PCNX2: variants seen among roughly 807,000 people sequenced by gnomAD.
The protein encoded by PCNX2 is pecanex-like protein 2.
PCNX2 carries 168 observed loss-of-function variants against 223.8 expected under a neutral mutation model. That is an observed-to-expected ratio of 0.75 (90% CI 0.66 to 0.85). The LOEUF is 0.85. Ranked by LOEUF, PCNX2 falls within the 40% of genes least tolerant of loss-of-function variation. The probability of loss-of-function intolerance (pLI) is 0.00; values close to 1 mark genes in which losing one functional copy is unlikely to be tolerated. For synonymous variants in PCNX2, 1,006 were observed against 1,052.6 expected, an observed-to-expected ratio of 0.96 and a Z score of 0.86; for missense variants, 2,507 against 2,675.5, an observed-to-expected ratio of 0.94 and a Z score of 1.39.
chr1:232,999,446 CTTTTTCTTTTTTT>C, intron 30 of PCNX2, 67 bp from the exon 31 acceptor site: 1 of 1,189,772 alleles, frequency 8.4e-7, no homozygotes, highest in Non-Finnish European at 1.1e-6. Flanking sequence ...TTGGTTTTTT[CTTTTTCTTTTTTT>C]TTTTTTTTTT....
At chr1:233,067,498 G>C (rs1047961339) in intron 23 of PCNX2, among the ~76,000 whole-genome samples, 1 of 149,262 alleles carries the variant, frequency 6.7e-6, no homozygotes, top group African/African-American at 2.5e-5. Flanking sequence ...TTTTGAGACA[G>C]AGTCTTGCTC....
chr1:233,170,944 C>A (rs1029283646), intron 17 of PCNX2, among the ~76,000 whole-genome samples: 2 of 152,176 alleles, frequency 1.3e-5, no homozygotes, highest in African/African-American at 4.8e-5. Flanking sequence ...ATCCGAAAAT[C>A]CGAAATGCAA....
intron 21 of PCNX2, among the ~76,000 whole-genome samples, chr1:233,111,757 G>C (rs988631635): frequency 6.6e-6 from 1 of 152,192 alleles, no homozygotes; most frequent in Non-Finnish European, 1.5e-5. Context: ...AGAATGCACT[G>C]TCATTGGCAG....
rs935767053 is a variant in PCNX2, at chr1:232,988,432, T to TAA, written c.5792-1894_5792-1893dup. On this transcript the variant is annotated intron_variant, in intron 32 of 33. Transcript: ENST00000258229. Reference sequence around the variant, plus strand: ...TTTTCTCATTGCTCTTTTTTTTTTTTAATTAATTTTGCAAATGGAACAGCA... The same window carrying TAA: ...TTTTCTCATTGCTCTTTTTTTTTTTTAAAATTAATTTTGCAAATGGAACAGCA... Among the ~76,000 whole-genome samples the TAA allele has an allele frequency of 5.7e-3, 869 of 151,746 alleles. 6 individuals are homozygous for TAA. The highest frequency in any genetic ancestry group is 0.012 in the East Asian group (63 of 5,164).
intron 10 of PCNX2, among the ~76,000 whole-genome samples, chr1:233,221,797 T>C (rs937984390): frequency 1.3e-5 from 2 of 151,986 alleles, no homozygotes; most frequent in African/African-American, 2.4e-5. Context: ...GAAGGACTGA[T>C]TGAAAGAATA....
intron 10 of PCNX2, among the ~76,000 whole-genome samples, 196 bp downstream of exon 10, chr1:233,227,028 ACT>A (rs1441648276): frequency 6.6e-6 from 1 of 152,004 alleles, no homozygotes; most frequent in Non-Finnish European, 1.5e-5. Flanking sequence ...ACTTATTGTA[ACT>A]CTCTTATTTC....
chr1:233,007,868 A>G (rs538307855), intron 28 of PCNX2, among the ~76,000 whole-genome samples: 1 of 149,932 alleles, frequency 6.7e-6, no homozygotes, highest in South Asian at 2.1e-4. Flanking sequence ...TAGTAGAGAC[A>G]GGGTTTCACC....
chr1:233,279,818 A>T (rs983713738), intron 1 of PCNX2, among the ~76,000 whole-genome samples: 6 of 152,144 alleles, frequency 3.9e-5, no homozygotes, highest in Admixed American at 2.6e-4. Context: ...ATGTTGTATC[A>T]GGAGGCCTAG....
At chr1:233,318,563 C>CTTTTTCTTTT in the PCNX2 span, among the ~76,000 whole-genome samples, 6 of 92,518 alleles carry the variant, frequency 6.5e-5, no homozygotes, top group Admixed American at 1.3e-4. Context: ...TTTTCTTTTT[C>CTTTTTCTTTT]TTTTTTTTTT....
intron 21 of PCNX2, among the ~76,000 whole-genome samples, chr1:233,130,198 G>C (rs1197393003): frequency 6.6e-6 from 1 of 151,994 alleles, no homozygotes; most frequent in Non-Finnish European, 1.5e-5. Context: ...ACAAACTCTG[G>C]ACACGCCGCC....
At chr1:233,265,342 T>C (rs990675680) in intron 1 of PCNX2, among the ~76,000 whole-genome samples, 2 of 152,176 alleles carry the variant, frequency 1.3e-5, no homozygotes, top group Non-Finnish European at 1.5e-5. Context: ...AGAGAGTTAG[T>C]GATCACTAAA....
chr1:233,118,056 G>C (rs1675530437), intron 21 of PCNX2, among the ~76,000 whole-genome samples: 1 of 151,730 alleles, frequency 6.6e-6, no homozygotes, highest in South Asian at 2.1e-4. Flanking sequence ...AATGGGTTTT[G>C]TTTCAGGGAT....
chr1:232,998,514 G>A, intron 31 of PCNX2, 76 bp from the exon 32 acceptor site: 1 of 1,514,980 alleles, frequency 6.6e-7, no homozygotes, highest in Non-Finnish European at 8.9e-7. Context: ...CCATGGCCTT[G>A]CCTAAATCGG....
chr1:233,033,347 C>T (rs1671335406), intron 25 of PCNX2: 1 of 287,732 alleles, frequency 3.5e-6, no homozygotes, highest in South Asian at 1.3e-4. Flanking sequence ...AATACGAACA[C>T]AGAAACAATG....
Position 232,986,529 on chromosome 1 carries a change from C to T in PCNX2, c.5803G>A (p.Gly1935Ser). 6.5e-7 allele frequency: 1 copy of T among 1,527,392 alleles called. No individual in the cohort carries two copies. Among genetic ancestry groups the T allele is most frequent in the South Asian group, 1.3e-5 (1 of 77,272 alleles). The allele number at this position is 1,527,392 out of a possible 1,614,324, so 94.6% of individuals were successfully genotyped here. The change falls in exon 33 of 34, where the codon GGC becomes AGC. Residue 1935 changes from glycine (G) to serine (S), a missense_variant. Physicochemically the swap from Gly to Ser is moderately conservative, Grantham distance 56. Around this residue, in one of 3 missense-constraint regions of PCNX2, gnomAD observed 1,372 missense variants for 1,509.4 expected, o/e 0.91. Transcript: ENST00000258229. ...EGTQRTGRRK[G>S]RSQSVQAHSA... is the part of the protein sequence containing the mutation. ...TGTGCCTGCACGGACTGGCTCCTGC[C>T]TTTCCTCCTGCCTTTAAAAGAAAGC...
At chr1:233,314,119 G>C in the PCNX2 span, among the ~76,000 whole-genome samples, 2 of 152,122 alleles carry the variant, frequency 1.3e-5, no homozygotes, top group Non-Finnish European at 2.9e-5. Context: ...TCCATCAAAG[G>C]CAGTCATTAA....
rs1366095302 is a variant in PCNX2 at position 232,991,646 on chromosome 1, T to C, written c.5792-5106A>G. On this transcript the variant is annotated intron_variant, in intron 32 of 33. Transcript: ENST00000258229. The surrounding 1 kb of genome is among the most constrained non-coding windows in gnomAD (Gnocchi z 4.3). Reference sequence around the variant, plus strand: ...CCAGTGTCCTTATAAAAAGGGGACGTGTGGACACAGAGAAGTACAGGGAGA... The same window carrying C: ...CCAGTGTCCTTATAAAAAGGGGACGCGTGGACACAGAGAAGTACAGGGAGA... 6.6e-6 allele frequency among the ~76,000 whole-genome samples: 1 copy of C among 152,130 alleles called. No individual in the cohort carries two copies. The highest frequency in any genetic ancestry group is 1.5e-5 in the Non-Finnish European group (1 of 68,034).
At chr1:233,288,840 AT>A in intron 1 of PCNX2, 1 of 670,354 alleles carries the variant, frequency 1.5e-6, no homozygotes, top group Non-Finnish European at 2.2e-6. Flanking sequence ...GTGAATATAT[AT>A]TTTTTATTTA....
intron 1 of PCNX2, chr1:233,290,625 G>T: frequency 3.5e-6 from 2 of 568,184 alleles, no homozygotes; most frequent in Non-Finnish European, 4.5e-6. Context: ...CCAATTAGCT[G>T]TAATAACAAT....
Sources: gnomAD v4.1 joint callset for allele counts (sites outside exome capture counted in the v4.1 genomes callset) on GRCh38, gnomAD v4.1.1 for gene constraint, gnomAD v4.1.1 regional missense constraint, Gnocchi (gnomAD v3.1) non-coding constraint, MANE v1.5 for transcripts, NCBI Gene and HGNC (gene_info 2026-07-23, HGNC 2026-07-21) for gene names.